VPS13B: variants seen among roughly 807,000 people sequenced by gnomAD.
VPS13B encodes the protein vacuolar protein sorting 13 homolog B.
In VPS13B, 285 loss-of-function variants were observed where a neutral mutation model predicts 426.4. The observed-to-expected ratio is 0.67, with a 90% CI of 0.61 to 0.74. The LOEUF (loss-of-function observed/expected upper bound fraction) is 0.74, where lower values mean the gene tolerates loss of function less well. Among genes scored for constraint, VPS13B ranks in the 30% least tolerant of loss-of-function variants. The pLI, the probability that VPS13B is intolerant of heterozygous loss-of-function variation, is 0.00. For missense variants in VPS13B, 4,537 were observed against 4,782.6 expected (o/e 0.95, Z 1.51); for synonymous variants, 1,676 against 1,676.4 (o/e 1.00, Z 0.01).
At chr8:99,074,105 T>C (rs1236336827) in intron 3 of VPS13B, among the ~76,000 whole-genome samples, 2 of 152,182 alleles carry the variant, frequency 1.3e-5, no homozygotes, top group African/African-American at 4.8e-5. Flanking sequence ...TGGGACCTTC[T>C]GTACTGTGTT....
At chr8:99,362,899 G>A (rs1266134618) in intron 19 of VPS13B, among the ~76,000 whole-genome samples, 1 of 152,190 alleles carries the variant, frequency 6.6e-6, no homozygotes, top group Non-Finnish European at 1.5e-5. Flanking sequence ...TTTGAGACAT[G>A]TCTACTCTGG....
chr8:99,323,207 A>G (rs1810071908), intron 19 of VPS13B, among the ~76,000 whole-genome samples: 1 of 152,154 alleles, frequency 6.6e-6, no homozygotes, highest in South Asian at 2.1e-4. Flanking sequence ...TTCCTTTCAT[A>G]CCTATCATGA....
At chr8:99,032,831 C>T (rs1271566572) in intron 2 of VPS13B, among the ~76,000 whole-genome samples, 10 of 151,942 alleles carry the variant, frequency 6.6e-5, no homozygotes, top group African/African-American at 2.4e-4. Flanking sequence ...TGAGCCACTG[C>T]GCCTGGCCCG....
chr8:99,043,614 G>C (rs1330386174), intron 3 of VPS13B, among the ~76,000 whole-genome samples: 1 of 151,950 alleles, frequency 6.6e-6, no homozygotes, highest in Non-Finnish European at 1.5e-5. Context: ...GTGGTCCTCT[G>C]ATAGCTATCA....
intron 57 of VPS13B, among the ~76,000 whole-genome samples, chr8:99,859,861 T>C (rs1166583705): frequency 6.6e-6 from 1 of 152,198 alleles, no homozygotes; most frequent in Non-Finnish European, 1.5e-5. Context: ...GATACAGTTG[T>C]CATAACTTTC....
chr8:99,444,189 C>T (rs1013962653), intron 23 of VPS13B, among the ~76,000 whole-genome samples: 2 of 151,882 alleles, frequency 1.3e-5, no homozygotes, highest in African/African-American at 4.8e-5. Flanking sequence ...GCCTCCGCCT[C>T]CCAGGTTCAA....
chr8:99,268,613 G>A (rs1818423023), intron 17 of VPS13B, among the ~76,000 whole-genome samples: 1 of 152,220 alleles, frequency 6.6e-6, no homozygotes, highest in Non-Finnish European at 1.5e-5. Context: ...TGGAATGGAT[G>A]TATTTGCCCA....
chr8:99,690,598 A>G (rs773966171), intron 35 of VPS13B, among the ~76,000 whole-genome samples: 7 of 152,116 alleles, frequency 4.6e-5, no homozygotes, highest in Non-Finnish European at 1.0e-4. Context: ...TCATGTATCT[A>G]TATATATCAA....
At chr8:99,737,844 T>C (rs1405567828) in intron 39 of VPS13B, among the ~76,000 whole-genome samples, 1 of 152,268 alleles carries the variant, frequency 6.6e-6, no homozygotes. Flanking sequence ...GGAAGGAATT[T>C]GGTAAGTGTG....
chr8:99,435,721 A>G (rs1026963498), intron 22 of VPS13B, among the ~76,000 whole-genome samples: 1 of 152,182 alleles, frequency 6.6e-6, no homozygotes, highest in Admixed American at 6.5e-5. Flanking sequence ...TAATTAATTG[A>G]TTTGGGGAAT....
intron 31 of VPS13B, 114 bp downstream of exon 31, chr8:99,556,767 T>C (rs1824595455): frequency 2.6e-6 from 3 of 1,147,198 alleles, no homozygotes; most frequent in Non-Finnish European, 3.8e-6. Context: ...TTGCTTCTGC[T>C]TTTCATTATA....
At chr8:99,155,262 T>C (rs1477594293) in intron 14 of VPS13B, among the ~76,000 whole-genome samples, 1 of 152,160 alleles carries the variant, frequency 6.6e-6, no homozygotes, top group Non-Finnish European at 1.5e-5. Flanking sequence ...TTCATAATGA[T>C]AAAAGTGTGA....
chr8:99,023,242 C>T (rs1029807519), intron 2 of VPS13B, among the ~76,000 whole-genome samples: 1 of 151,762 alleles, frequency 6.6e-6, no homozygotes, highest in Admixed American at 6.6e-5. Flanking sequence ...TCTTCCTAGT[C>T]CCCATTTTTT....
intron 22 of VPS13B, among the ~76,000 whole-genome samples, chr8:99,432,926 A>G (rs1817189397): frequency 6.6e-6 from 1 of 152,224 alleles, no homozygotes; most frequent in South Asian, 2.1e-4. Flanking sequence ...GAACATACTG[A>G]AGAAAACTAA....
chr8:99,830,545 G>A (rs768080230), intron 51 of VPS13B, among the ~76,000 whole-genome samples: 3 of 152,170 alleles, frequency 2.0e-5, no homozygotes, highest in Non-Finnish European at 2.9e-5. Flanking sequence ...CTCCCTGGGG[G>A]TGGGATCCAC....
chr8:99,078,784 G>A (rs1845278497), intron 3 of VPS13B, among the ~76,000 whole-genome samples: 1 of 152,184 alleles, frequency 6.6e-6, no homozygotes, highest in African/African-American at 2.4e-5. Flanking sequence ...CAGGCCAGCA[G>A]TGGTGTTGGG....
intron 41 of VPS13B, among the ~76,000 whole-genome samples, chr8:99,778,231 C>CAAAAAA (rs377457529): frequency 5.3e-5 from 5 of 94,488 alleles, no homozygotes; most frequent in Admixed American, 2.3e-4. Flanking sequence ...GACTCCATCT[C>CAAAAAA]AAAAAAAAAA....
At chr8:99,310,182 C>T (rs542747399) in intron 19 of VPS13B, among the ~76,000 whole-genome samples, 2 of 152,252 alleles carry the variant, frequency 1.3e-5, no homozygotes, top group Non-Finnish European at 2.9e-5. Flanking sequence ...ATTTCTTTCT[C>T]CTGCCTGATT....
chr8:99,099,857 G>A (rs547885875), intron 4 of VPS13B, among the ~76,000 whole-genome samples: 9 of 152,218 alleles, frequency 5.9e-5, no homozygotes, highest in African/African-American at 2.2e-4. Flanking sequence ...TATGGGGAGA[G>A]GTAGATAATA....
Sources: gnomAD v4.1 joint callset for allele counts (sites outside exome capture counted in the v4.1 genomes callset) on GRCh38, gnomAD v4.1.1 for gene constraint, MANE v1.5 for transcripts, NCBI Gene and HGNC (gene_info 2026-07-23, HGNC 2026-07-21) for gene names.